The following TRPM5 variants were observed in gnomAD, a reference collection of about 807,000 sequenced individuals.
The protein encoded by TRPM5 is transient receptor potential cation channel subfamily M member 5, also known as MLSN1 and TRP-related.
A neutral mutation model predicts 124.9 loss-of-function variants in TRPM5; 121 were observed. The observed-to-expected ratio is 0.97, with a 90% CI of 0.84 to 1.13. The LOEUF is 1.13. Ranked by LOEUF, TRPM5 falls within the 50% of genes most tolerant of loss-of-function variation. The probability of loss-of-function intolerance (pLI) is 0.00; values close to 1 mark genes in which losing one functional copy is unlikely to be tolerated. For missense variants in TRPM5, 1,643 were observed against 1,589.1 expected (o/e 1.03, Z -0.58); for synonymous variants, 781 against 700.5 (o/e 1.11, Z -1.81).
chr11:2,425,684 C>A (rs939464059), upstream of TRPM5, among the ~76,000 whole-genome samples: 5 of 123,542 alleles, frequency 4.0e-5, no homozygotes, highest in African/African-American at 1.2e-4. Context: ...CCAGGCCCTG[C>A]CACACCTGGT....
intron 8 of TRPM5, 44 bp downstream of exon 13, chr11:2,415,862 G>T: frequency 2.1e-6 from 3 of 1,401,966 alleles, no homozygotes; most frequent in Non-Finnish European, 9.9e-7. Context: ...GGCAGCTCGG[G>T]CAGTGCCATG....
chr11:2,415,914 C>T, exon 8 of TRPM5: 2 of 1,573,624 alleles, frequency 1.3e-6, no homozygotes, highest in East Asian at 4.7e-5. Context: ...ACCTTCCACT[C>T]CACGTCCCCA....
chr11:2,406,915 G>T, intron 20 of TRPM5, 122 bp from the exon 26 acceptor site: 1 of 1,441,140 alleles, frequency 6.9e-7, no homozygotes, highest in Non-Finnish European at 9.3e-7. Flanking sequence ...AGCCAGGGAT[G>T]GAGGGCAAGC....
the TRPM5 span, among the ~76,000 whole-genome samples, chr11:2,431,145 G>A: frequency 1.3e-5 from 2 of 152,086 alleles, no homozygotes; most frequent in Non-Finnish European, 2.9e-5. Context: ...CCTGAGAGGA[G>A]AAGCAGATAT....
chr11:2,442,003 T>G, the TRPM5 span, among the ~76,000 whole-genome samples: 11 of 152,196 alleles, frequency 7.2e-5, no homozygotes, highest in African/African-American at 2.7e-4. The surrounding 1 kb of genome is among the most constrained non-coding windows in gnomAD (Gnocchi z 5.9). Flanking sequence ...ATTTTTAAAA[T>G]ATGGAGGCTT....
the TRPM5 span, among the ~76,000 whole-genome samples, chr11:2,430,062 G>A: frequency 6.6e-6 from 1 of 151,860 alleles, no homozygotes; most frequent in African/African-American, 2.4e-5. Flanking sequence ...CAAAAAAACT[G>A]CAGAAGTTCT....
At chr11:2,422,433 G>A (rs928948421) in intron 1 of TRPM5, 112 bp from the exon 7 acceptor site, 5 of 603,660 alleles carry the variant, frequency 8.3e-6, no homozygotes, top group Admixed American at 3.2e-5. Flanking sequence ...AGCATGGGGG[G>A]ACACTGGGCA....
intron 21 of TRPM5, 138 bp from the exon 27 acceptor site, chr11:2,406,229 G>T: frequency 2.3e-6 from 2 of 882,634 alleles, no homozygotes; most frequent in Non-Finnish European, 3.6e-6. Flanking sequence ...CTCATGCCCA[G>T]ATCTGGTGGC....
intron 18 of TRPM5, among the ~76,000 whole-genome samples, chr11:2,408,535 C>T (rs908587572): frequency 3.3e-5 from 5 of 152,378 alleles, no homozygotes; most frequent in Admixed American, 6.5e-5. Context: ...CAAGAACATT[C>T]TTCAGGCGGC....
At chr11:2,423,155 CA>C, upstream of TRPM5, 4 of 795,722 alleles carry the variant, frequency 5.0e-6, no homozygotes, top group Non-Finnish European at 6.0e-6. Flanking sequence ...CTCCAGCCAA[CA>C]TGCACAAGGA....
At chr11:2,406,251 T>A in intron 21 of TRPM5, 160 bp from the exon 27 acceptor site, 1 of 749,284 alleles carries the variant, frequency 1.3e-6, no homozygotes, top group South Asian at 1.6e-5. Flanking sequence ...CCAGGACCCC[T>A]CAAAGTGCAC....
chr11:2,409,833 C>A (rs1033243318), intron 18 of TRPM5, among the ~76,000 whole-genome samples: 1 of 152,194 alleles, frequency 6.6e-6, no homozygotes, highest in Admixed American at 6.5e-5. Flanking sequence ...GAGATCCCCG[C>A]AGCACCGCAG....
In TRPM5 at chr11:2,406,761, C is replaced by T. The variant is rs768069139; in HGVS notation, c.3151G>A (p.Val1051Ile). The change falls in exon 21 of 24, where the codon GTC (valine) becomes ATC (isoleucine). Residue 1051 changes from valine (V) to isoleucine (I), a missense_variant. Val to Ile is a conservative substitution (Grantham distance 29, BLOSUM62 3). Coordinates refer to ENST00000155858, the Ensembl canonical transcript of TRPM5. ...TTCTGGACTGTCTCCCAGGTGACGA[C>T]CTTCTGGTCCAGGGGGTCTGGCAGG... is the stretch of plus-strand genomic sequence containing the variant. 1.2e-6 allele frequency: 2 copies of T among 1,613,354 alleles called. No individual in the cohort carries two copies. The highest frequency in any genetic ancestry group is 2.7e-5 in the African/African-American group (2 of 74,942).
chr11:2,409,950 G>A (rs760285976), intron 18 of TRPM5, among the ~76,000 whole-genome samples: 13 of 152,170 alleles, frequency 8.5e-5, no homozygotes, highest in Non-Finnish European at 1.3e-4. Flanking sequence ...CATACGAGTC[G>A]CTGAGACTGG....
intron 4 of TRPM5, among the ~76,000 whole-genome samples, chr11:2,419,762 T>C (rs944196574): frequency 1.1e-4 from 17 of 152,266 alleles, no homozygotes; most frequent in African/African-American, 4.1e-4. Flanking sequence ...CACTAGCGTT[T>C]TCTTAGTAAG....
At chr11:2,417,950 G>T in intron 6 of TRPM5, 121 bp from the exon 12 acceptor site, 2 of 1,048,280 alleles carry the variant, frequency 1.9e-6, no homozygotes, top group South Asian at 1.5e-5. Flanking sequence ...CAGCCTGCAT[G>T]CCCACCGCCC....
At position 2,418,193 on chromosome 11, in the gene TRPM5, C is replaced by A; in HGVS notation, c.880G>T (p.Glu294Ter). ...AGCTTGGTCCAGCGCACGATGTCCT[C>A]CCAAGAGAAATGCTTGCTGGGGAAC... Residue 294 changes from glutamate (E) to a stop codon, truncating the protein, a stop_gained, in exon 6 of 24, where the codon GAG (glutamate) becomes TAG (stop). Transcript: ENST00000155858. LOFTEE classifies it high-confidence loss of function. 1 of 1,581,700 alleles carries A rather than the reference C, an allele frequency of 6.3e-7. No homozygotes were observed. The highest frequency in any genetic ancestry group is 2.3e-5 in the East Asian group (1 of 43,716).
At chr11:2,404,979 G>T (rs1241393630) in exon 24 of TRPM5, 6 of 1,612,632 alleles carry the variant, frequency 3.7e-6, no homozygotes, top group African/African-American at 1.3e-5. Flanking sequence ...GTTGTTCCCA[G>T]CCATCTAAAC....
rs1455136805 is a variant in TRPM5, at chr11:2,416,034, G to C, written c.1010-10C>G. 3.8e-6 allele frequency: 6 copies of C among 1,590,534 alleles called. No homozygotes were observed. Among genetic ancestry groups the C allele is most frequent in the Non-Finnish European group, 5.1e-6 (6 of 1,167,166 alleles). On this transcript the variant is annotated splice_polypyrimidine_tract_variant and intron_variant, in intron 7 of 23. Coordinates refer to ENST00000155858, the Ensembl canonical transcript of TRPM5. ...CTGTGGCTCTTGCAGGCTGTGGGCA[G>C]AGCAGGCAGGCACTGGTGAGGGTGG...
Sources: allele counts gnomAD v4.1 joint callset (sites outside exome capture counted in the v4.1 genomes callset), GRCh38; gene constraint gnomAD v4.1.1; non-coding constraint Gnocchi (gnomAD v3.1); transcripts MANE v1.5; gene names NCBI Gene and HGNC (gene_info 2026-07-23, HGNC 2026-07-21).